Variants in NKAIN3 observed in about 807,000 individuals in gnomAD.
NKAIN3 encodes the protein sodium/potassium transporting ATPase interacting 3.
A neutral mutation model predicts 30.2 loss-of-function variants in NKAIN3; 25 were observed. The observed-to-expected ratio is 0.83, with a 90% CI of 0.60 to 1.16. The LOEUF is 1.16. Ranked by LOEUF, NKAIN3 falls within the 50% of genes most tolerant of loss-of-function variation. NKAIN3 has a pLI of 0.00. For synonymous variants in NKAIN3, 91 were observed against 89.6 expected (o/e 1.02, Z -0.09); for missense variants, 225 against 254.1 (o/e 0.89, Z 0.78).
chr8:62,611,435 C>T (rs1429052971), intron 3 of NKAIN3, among the ~76,000 whole-genome samples: 2 of 152,126 alleles, frequency 1.3e-5, no homozygotes, highest in Admixed American at 6.5e-5. Context: ...TAACCATCCC[C>T]ACTTCCCCCC....
At chr8:62,611,276 G>T (rs572900658) in intron 3 of NKAIN3, among the ~76,000 whole-genome samples, 16 of 151,998 alleles carry the variant, frequency 1.1e-4, no homozygotes, top group African/African-American at 3.6e-4. Flanking sequence ...GGAAAATGAG[G>T]TATCTATCTC....
chr8:62,377,200 C>T (rs913848969), intron 1 of NKAIN3, among the ~76,000 whole-genome samples: 4 of 152,076 alleles, frequency 2.6e-5, no homozygotes, highest in South Asian at 2.1e-4. Flanking sequence ...CAAAATTATG[C>T]ACTCTTCTTT....
chr8:62,612,752 C>T (rs755532432), intron 3 of NKAIN3, among the ~76,000 whole-genome samples: 3 of 151,654 alleles, frequency 2.0e-5, no homozygotes, highest in Non-Finnish European at 2.9e-5. Flanking sequence ...TAATTATTTT[C>T]GTTTTAGTTT....
At chr8:62,903,333 G>C (rs530028115) in intron 4 of NKAIN3, among the ~76,000 whole-genome samples, 65 of 152,228 alleles carry the variant, frequency 4.3e-4, no homozygotes, top group Middle Eastern at 3.4e-3. Flanking sequence ...ATTCCTGAAG[G>C]AACAGTAGGA....
At chr8:62,390,679 T>C (rs1224329702) in intron 1 of NKAIN3, among the ~76,000 whole-genome samples, 1 of 152,226 alleles carries the variant, frequency 6.6e-6, no homozygotes, top group Non-Finnish European at 1.5e-5. Context: ...CATTCCTTTT[T>C]CTCCACAACC....
intron 4 of NKAIN3, among the ~76,000 whole-genome samples, chr8:62,812,190 T>C (rs1818508597): frequency 6.6e-6 from 1 of 151,988 alleles, no homozygotes; most frequent in African/African-American, 2.4e-5. Context: ...TGTTCCACTC[T>C]TCTAAGTATC....
intron 3 of NKAIN3, among the ~76,000 whole-genome samples, chr8:62,653,090 T>G (rs1812672101): frequency 6.6e-6 from 1 of 152,278 alleles, no homozygotes; most frequent in East Asian, 1.9e-4. Flanking sequence ...TTCTTCTCTG[T>G]GTTGGGTACT....
intron 4 of NKAIN3, among the ~76,000 whole-genome samples, chr8:62,803,338 T>C (rs1010685593): frequency 3.9e-5 from 6 of 152,062 alleles, no homozygotes; most frequent in Non-Finnish European, 7.4e-5. Context: ...ACCACACCTA[T>C]TCCAAAATTG....
chr8:62,998,729 C>A (rs1804183989), intron 5 of NKAIN3, among the ~76,000 whole-genome samples: 1 of 152,088 alleles, frequency 6.6e-6, no homozygotes, highest in African/African-American at 2.4e-5. Context: ...ATATTTTTTC[C>A]TTTCACTATG....
chr8:62,331,198 G>T (rs1465906652), intron 1 of NKAIN3, among the ~76,000 whole-genome samples: 2 of 143,230 alleles, frequency 1.4e-5, no homozygotes, highest in Non-Finnish European at 3.0e-5. Flanking sequence ...TAAACTACTG[G>T]GGTCACTTAT....
At chr8:62,586,558 A>C (rs895644181) in intron 2 of NKAIN3, among the ~76,000 whole-genome samples, 2 of 152,132 alleles carry the variant, frequency 1.3e-5, no homozygotes, top group Non-Finnish European at 2.9e-5. Flanking sequence ...TTATAAGTCT[A>C]GCATATTGTA....
At chr8:62,698,301 T>C (rs900804553) in intron 3 of NKAIN3, among the ~76,000 whole-genome samples, 1 of 152,316 alleles carries the variant, frequency 6.6e-6, no homozygotes, top group East Asian at 1.9e-4. Context: ...TGAAGACAGT[T>C]GTCATGTCCC....
rs555931893 is a variant in NKAIN3 at position 62,677,103 on chromosome 8, C to T, written c.274-69829C>T. On this transcript the variant is annotated intron_variant, in intron 3 of 6. Coordinates refer to ENST00000623646, the MANE Select transcript of NKAIN3 (RefSeq NM_001304533.3). ...GTTTTGAATTTTTTAAATATTCAAT[C>T]GGTCTGATTTCCCAGGAAATAGACT... Among the ~76,000 whole-genome samples, 40 of 152,168 alleles carry T rather than the reference C, an allele frequency of 2.6e-4. No individual in the cohort carries two copies. In the South Asian group the frequency reaches 6.0e-3, roughly 23 times the overall value.
At chr8:62,900,711 G>A (rs1280212981) in intron 4 of NKAIN3, among the ~76,000 whole-genome samples, 1 of 151,006 alleles carries the variant, frequency 6.6e-6, no homozygotes, top group Non-Finnish European at 1.5e-5. Flanking sequence ...CACAATAATT[G>A]GTGAAGTAGT....
intron 1 of NKAIN3, among the ~76,000 whole-genome samples, chr8:62,496,746 C>T (rs1807253153): frequency 6.6e-6 from 1 of 152,136 alleles, no homozygotes; most frequent in South Asian, 2.1e-4. Context: ...AAAAATGGAG[C>T]TAAAACGTGT....
At chr8:62,811,333 A>G (rs1158242876) in intron 4 of NKAIN3, among the ~76,000 whole-genome samples, 1 of 152,068 alleles carries the variant, frequency 6.6e-6, no homozygotes, top group African/African-American at 2.4e-5. Context: ...ATGAACATTT[A>G]TGTAAAGGTT....
intron 1 of NKAIN3, among the ~76,000 whole-genome samples, chr8:62,439,772 C>T (rs1198186743): frequency 6.6e-6 from 1 of 152,178 alleles, no homozygotes; most frequent in Admixed American, 6.5e-5. Context: ...TGCCACTGAA[C>T]ATGAGGTGCA....
chr8:62,822,810 T>A (rs1344852102), intron 4 of NKAIN3, among the ~76,000 whole-genome samples: 2 of 152,148 alleles, frequency 1.3e-5, no homozygotes, highest in African/African-American at 4.8e-5. Context: ...TCTTAGGCAA[T>A]TTTGTCTCTG....
At chr8:62,768,862 A>AGATCT (rs1456247980) in intron 4 of NKAIN3, among the ~76,000 whole-genome samples, 2 of 152,242 alleles carry the variant, frequency 1.3e-5, no homozygotes, top group Admixed American at 6.5e-5. Context: ...TTCAAGTTTT[A>AGATCT]GATCTTGATG....
Sources: gnomAD v4.1 joint callset for allele counts (sites outside exome capture counted in the v4.1 genomes callset) on GRCh38, gnomAD v4.1.1 for gene constraint, MANE v1.5 for transcripts, NCBI Gene and HGNC (gene_info 2026-07-23, HGNC 2026-07-21) for gene names.